The following TUBGCP3 variants were observed in gnomAD, a reference collection of about 807,000 sequenced individuals.
TUBGCP3 encodes the protein gamma-tubulin complex component 3.
Under a neutral mutation model 123.1 loss-of-function variants are expected in TUBGCP3, and 50 were observed. The ratio of observed to expected loss-of-function variants is 0.41; its 90% CI spans 0.32 to 0.51. The LOEUF (loss-of-function observed/expected upper bound fraction) is 0.51. TUBGCP3 is among the 20% of genes least tolerant of loss of function. The probability of loss-of-function intolerance (pLI) is 0.36; values close to 1 mark genes in which losing one functional copy is unlikely to be tolerated. For missense variants in TUBGCP3, 882 were observed against 1,127.0 expected (o/e 0.78, Z 3.11); for synonymous variants, 405 against 413.9 (o/e 0.98, Z 0.26).
At chr13:112,577,733 A>G (rs1252262281) in intron 1 of TUBGCP3, among the ~76,000 whole-genome samples, 1 of 152,228 alleles carries the variant, frequency 6.6e-6, no homozygotes, top group Non-Finnish European at 1.5e-5. Flanking sequence ...CTGTAAGTCT[A>G]TCATCATTCT....
intron 3 of TUBGCP3, among the ~76,000 whole-genome samples, chr13:112,561,117 C>T (rs1026376666): frequency 3.9e-5 from 6 of 152,216 alleles, no homozygotes; most frequent in African/African-American, 1.4e-4. Context: ...TAGGCAGAGG[C>T]ACCATCACTG....
At chr13:112,587,780 G>C in intron 1 of TUBGCP3, 125 bp downstream of exon 1, 2 of 820,988 alleles carry the variant, frequency 2.4e-6, no homozygotes, top group Non-Finnish European at 3.5e-6. Flanking sequence ...TCCTCGGCCC[G>C]TCCCCCAGCC....
In TUBGCP3 at chr13:112,578,558, C is replaced by CAAAAAA. The variant is rs71131496; in HGVS notation, c.77-9305_77-9300dup. Among the ~76,000 whole-genome samples, 42 of 24,910 alleles carry CAAAAAA rather than the reference C, an allele frequency of 1.7e-3. 1 individual carries two copies. The highest frequency in any genetic ancestry group is 3.9e-3 in the African/African-American group (26 of 6,750). 16.3% of individuals were successfully genotyped at this position (24,910 alleles called of 152,430 possible). On this transcript the variant is annotated intron_variant, in intron 1 of 21. Transcript: ENST00000261965. ...TGGGCGAAAGAGTGAGACTCCGTCTCAAAAAAAAAAAAAAAAAAAAAAAAA... is the reference window on the plus strand; with the variant it reads ...TGGGCGAAAGAGTGAGACTCCGTCTCAAAAAAAAAAAAAAAAAAAAAAAAAAAAAAA...
intron 5 of TUBGCP3, 149 bp downstream of exon 5, chr13:112,558,047 G>A (rs1880187586): frequency 5.1e-6 from 4 of 778,306 alleles, no homozygotes; most frequent in Non-Finnish European, 7.8e-6. Flanking sequence ...GTTCAGAGAT[G>A]GAGTGCATCG....
chr13:112,488,346 C>A (rs901452998), intron 21 of TUBGCP3, among the ~76,000 whole-genome samples: 11 of 146,100 alleles, frequency 7.5e-5, no homozygotes, highest in Admixed American at 6.8e-4. Flanking sequence ...TCTACTATCA[C>A]TAAGATCACA....
intron 1 of TUBGCP3, among the ~76,000 whole-genome samples, chr13:112,573,303 G>A (rs1394528747): frequency 6.6e-6 from 1 of 151,916 alleles, no homozygotes. Flanking sequence ...TAGAAAGCTT[G>A]TATTTAAAGT....
At chr13:112,586,147 G>A (rs1410482579) in intron 1 of TUBGCP3, among the ~76,000 whole-genome samples, 2 of 151,654 alleles carry the variant, frequency 1.3e-5, no homozygotes, top group Non-Finnish European at 2.9e-5. Context: ...GCTGAGGCAG[G>A]AGAATGGCAT....
At chr13:112,534,639 C>G (rs940246525) in intron 11 of TUBGCP3, among the ~76,000 whole-genome samples, 1 of 152,176 alleles carries the variant, frequency 6.6e-6, no homozygotes. Context: ...GCCCTACTTG[C>G]GCTCGGCGAC....
intron 1 of TUBGCP3, among the ~76,000 whole-genome samples, chr13:112,584,328 T>G (rs1319479207): frequency 1.3e-5 from 2 of 152,246 alleles, no homozygotes; most frequent in Non-Finnish European, 2.9e-5. Flanking sequence ...TTTTTAAATT[T>G]TAACTTATTG....
intron 11 of TUBGCP3, among the ~76,000 whole-genome samples, chr13:112,539,103 T>C (rs1878294486): frequency 6.6e-6 from 1 of 152,208 alleles, no homozygotes. Context: ...CAGAAGATAT[T>C]CAAATTTTAT....
intron 10 of TUBGCP3, chr13:112,547,099 A>G (rs1197565853): frequency 4.3e-6 from 1 of 232,366 alleles, no homozygotes; most frequent in Non-Finnish European, 8.2e-6. Flanking sequence ...CAGAACCTAG[A>G]GCCAGAGAGG....
chr13:112,544,132 T>G (rs1418918092), intron 11 of TUBGCP3, among the ~76,000 whole-genome samples: 1 of 152,096 alleles, frequency 6.6e-6, no homozygotes, highest in African/African-American at 2.4e-5. Flanking sequence ...CACTCCTGAG[T>G]GCAACGTGGC....
At chr13:112,579,554 G>GT (rs1208846354) in intron 1 of TUBGCP3, among the ~76,000 whole-genome samples, 2 of 141,288 alleles carry the variant, frequency 1.4e-5, no homozygotes, top group Non-Finnish European at 3.1e-5. Flanking sequence ...ACTGCTGAGT[G>GT]CCGGGGGGCC....
Position 112,522,619 on chromosome 13 carries a change from T to C in TUBGCP3, c.1556-110A>G, listed in dbSNP as rs1876717150. The stretch of plus-strand genomic sequence containing the variant: ...TCAGGGCCAACCACTGCCTGTGGCA[T>C]CAGTAACAGACTGACCGCAGGCACA... On this transcript the variant is annotated intron_variant, in intron 13 of 21. Transcript: ENST00000261965. The C allele has an allele frequency of 1.0e-5, 11 of 1,076,212 alleles. No homozygotes were observed. In the South Asian group the frequency reaches 1.7e-4, roughly 17 times the overall value. The allele number at this position is 1,076,212 out of a possible 1,614,324, so 66.7% of individuals were successfully genotyped here. A position where few individuals can be genotyped will look rare whatever the true frequency, so the allele number is the denominator to read the frequency against.
chr13:112,537,648 A>G (rs1198863785), intron 11 of TUBGCP3, among the ~76,000 whole-genome samples: 1 of 152,184 alleles, frequency 6.6e-6, no homozygotes, highest in Non-Finnish European at 1.5e-5. Flanking sequence ...GTTAAGTAGT[A>G]TTCCATCCTA....
At chr13:112,543,096 G>A (rs371105864) in intron 11 of TUBGCP3, among the ~76,000 whole-genome samples, 15 of 152,322 alleles carry the variant, frequency 9.8e-5, no homozygotes, top group Middle Eastern at 3.4e-3. Flanking sequence ...GTTGCAGTGA[G>A]CTGAGATCGC....
At chr13:112,567,384 T>C (rs1881033146) in intron 2 of TUBGCP3, among the ~76,000 whole-genome samples, 1 of 152,230 alleles carries the variant, frequency 6.6e-6, no homozygotes, top group South Asian at 2.1e-4. Flanking sequence ...ATGTGTAATA[T>C]GCTCACCACG....
intron 11 of TUBGCP3, among the ~76,000 whole-genome samples, chr13:112,529,445 C>T (rs752111880): frequency 7.2e-5 from 11 of 152,146 alleles, no homozygotes; most frequent in Admixed American, 6.5e-5. Context: ...CCAATGATGA[C>T]CAATTCGTTT....
chr13:112,549,317 G>C (rs578050547), intron 8 of TUBGCP3, among the ~76,000 whole-genome samples: 4 of 142,972 alleles, frequency 2.8e-5, no homozygotes, highest in Admixed American at 1.4e-4. Context: ...GGGGAACTTG[G>C]ATACCGGGGC....
Sources: gnomAD v4.1 joint callset for allele counts (sites outside exome capture counted in the v4.1 genomes callset) on GRCh38, gnomAD v4.1.1 for gene constraint, MANE v1.5 for transcripts, NCBI Gene and HGNC (gene_info 2026-07-23, HGNC 2026-07-21) for gene names.